MMS22L: variants seen among roughly 807,000 people sequenced by gnomAD.
The protein encoded by MMS22L is protein MMS22-like.
A neutral mutation model predicts 159.1 loss-of-function variants in MMS22L; 74 were observed. The observed-to-expected ratio is 0.47, with a 90% confidence interval of 0.39 to 0.56. The LOEUF (loss-of-function observed/expected upper bound fraction) is 0.56. Among genes scored for constraint, MMS22L ranks in the 20% least tolerant of loss-of-function variants. The probability of loss-of-function intolerance (pLI) is 0.00; values close to 1 mark genes in which losing one functional copy is unlikely to be tolerated. For missense variants in MMS22L, 1,351 were observed against 1,422.1 expected (o/e 0.95, Z 0.80); for synonymous variants, 517 against 506.9 (o/e 1.02, Z -0.27).
intron 17 of MMS22L, among the ~76,000 whole-genome samples, 157 bp downstream of exon 17, chr6:97,179,251 G>A (rs926080832): frequency 2.0e-5 from 3 of 151,902 alleles, no homozygotes; most frequent in Non-Finnish European, 2.9e-5. Context: ...ACAAAAAAAC[G>A]GAAACAGGCT....
At chr6:97,279,521 C>T (rs182148843) in intron 3 of MMS22L, among the ~76,000 whole-genome samples, 1 of 149,004 alleles carries the variant, frequency 6.7e-6, no homozygotes, top group East Asian at 2.0e-4. Context: ...GCAGTGGCTC[C>T]CGCCTGTAAT....
chr6:97,237,454 C>T (rs1582740511), intron 11 of MMS22L, among the ~76,000 whole-genome samples: 1 of 152,222 alleles, frequency 6.6e-6, no homozygotes, highest in African/African-American at 2.4e-5. Flanking sequence ...TCCTAACTCC[C>T]TTACTAGATA....
chr6:97,255,473 A>T (rs6899494), intron 9 of MMS22L, among the ~76,000 whole-genome samples: 99,218 of 151,888 alleles, frequency 0.65, 33,733 homozygotes, highest in Non-Finnish European at 0.76. Context: ...ATTGTTTTAA[A>T]TTCATAATTT....
At chr6:97,278,207 A>G (rs780145017) in intron 4 of MMS22L, among the ~76,000 whole-genome samples, 1 of 152,224 alleles carries the variant, frequency 6.6e-6, no homozygotes, top group African/African-American at 2.4e-5. Flanking sequence ...GTTTGCGATC[A>G]GCCTGGCCAA....
intron 10 of MMS22L, 185 bp downstream of exon 10, chr6:97,254,372 A>G (rs1813555717): frequency 1.8e-6 from 1 of 563,478 alleles, no homozygotes; most frequent in Non-Finnish European, 3.0e-6. Flanking sequence ...ATTTTTTTTA[A>G]TTAAACAATT....
At chr6:97,275,986 GGAGT>G (rs1816206095) in intron 4 of MMS22L, among the ~76,000 whole-genome samples, 1 of 152,086 alleles carries the variant, frequency 6.6e-6, no homozygotes, top group Admixed American at 6.5e-5. Context: ...CCTGGGCGAT[GGAGT>G]GAGACCCTGT....
intron 14 of MMS22L, among the ~76,000 whole-genome samples, chr6:97,218,221 T>A (rs1809240505): frequency 6.6e-6 from 1 of 152,042 alleles, no homozygotes; most frequent in Admixed American, 6.6e-5. Flanking sequence ...CCTCTAGAGG[T>A]CCCTTCTACC....
At chr6:97,203,711 A>ATC (rs1807437283) in intron 14 of MMS22L, among the ~76,000 whole-genome samples, 1 of 152,144 alleles carries the variant, frequency 6.6e-6, no homozygotes, top group African/African-American at 2.4e-5. Flanking sequence ...TCTCTACCTA[A>ATC]TCTACCCAGA....
chr6:97,197,173 C>CT (rs1168755057), intron 14 of MMS22L, among the ~76,000 whole-genome samples: 1 of 152,130 alleles, frequency 6.6e-6, no homozygotes, highest in Non-Finnish European at 1.5e-5. Flanking sequence ...TGGGTACATC[C>CT]TTTGGCATTA....
chr6:97,229,434 A>G, intron 13 of MMS22L, 31 bp from the exon 14 acceptor site: 1 of 1,424,094 alleles, frequency 7.0e-7, no homozygotes, highest in East Asian at 2.4e-5. Context: ...CTTTAATAAA[A>G]TTGTTTCATT....
rs548595111 is a variant in MMS22L, at chr6:97,165,061, T to C, written c.3221+185A>G. On this transcript the variant is annotated intron_variant, in intron 21 of 24. Transcript: ENST00000683635. ...GAAAAGAGAAGGAATTTAAAGAGCA[T>C]TGTCTTAGGCTGCCATAAGCAAATG... Among the ~76,000 whole-genome samples the C allele has an allele frequency of 7.9e-5, 12 of 152,246 alleles. 1 individual carries two copies. The East Asian group carries it at 2.3e-3, about 29-fold the overall frequency.
intron 14 of MMS22L, among the ~76,000 whole-genome samples, chr6:97,198,253 T>C (rs868132836): frequency 3.9e-5 from 6 of 152,102 alleles, no homozygotes; most frequent in Non-Finnish European, 5.9e-5. Flanking sequence ...CATTCTAGCT[T>C]AGAAACTAGA....
At chr6:97,156,545 G>A (rs1801868159) in intron 22 of MMS22L, among the ~76,000 whole-genome samples, 1 of 152,154 alleles carries the variant, frequency 6.6e-6, no homozygotes, top group African/African-American at 2.4e-5. Context: ...TGGCTAGCCA[G>A]TTTTCCCAGC....
At chr6:97,240,137 A>G (rs1430530783) in intron 11 of MMS22L, among the ~76,000 whole-genome samples, 1 of 152,156 alleles carries the variant, frequency 6.6e-6, no homozygotes, top group Non-Finnish European at 1.5e-5. Context: ...ATCCAAATAT[A>G]TTATTCTTTA....
At chr6:97,251,898 A>C (rs1331610829) in intron 10 of MMS22L, among the ~76,000 whole-genome samples, 4 of 152,074 alleles carry the variant, frequency 2.6e-5, no homozygotes, top group African/African-American at 9.7e-5. Context: ...CCTGTCTAAC[A>C]CAGTGAAACC....
chr6:97,283,772 A>T (rs1816986329), upstream of MMS22L, among the ~76,000 whole-genome samples: 1 of 152,228 alleles, frequency 6.6e-6, no homozygotes, highest in Non-Finnish European at 1.5e-5. Flanking sequence ...CACATGAAAC[A>T]TTCACTAAGC....
At chr6:97,282,618 C>A in intron 1 of MMS22L, 65 bp from the exon 2 acceptor site, 1 of 495,758 alleles carries the variant, frequency 2.0e-6, no homozygotes, top group South Asian at 3.2e-5. Flanking sequence ...TCAAGACGTC[C>A]GCCAGCAGGA....
At chr6:97,152,408 C>T (rs971149110) in intron 22 of MMS22L, among the ~76,000 whole-genome samples, 2 of 152,068 alleles carry the variant, frequency 1.3e-5, no homozygotes, top group South Asian at 2.1e-4. Context: ...AGAATACTTA[C>T]ATTCTTTAAA....
intron 7 of MMS22L, among the ~76,000 whole-genome samples, chr6:97,269,034 A>T (rs1815452963): frequency 6.6e-6 from 1 of 152,092 alleles, no homozygotes; most frequent in South Asian, 2.1e-4. Context: ...TCAAGAAATA[A>T]ATGGGCAACA....
Sources: gnomAD v4.1 joint callset for allele counts (sites outside exome capture counted in the v4.1 genomes callset) on GRCh38, gnomAD v4.1.1 for gene constraint, MANE v1.5 for transcripts, NCBI Gene and HGNC (gene_info 2026-07-23, HGNC 2026-07-21) for gene names.